FREM1: variants seen among roughly 807,000 people sequenced by gnomAD.
FREM1 encodes the protein FRAS1 related extracellular matrix 1.
Under a neutral mutation model 210.1 loss-of-function variants are expected in FREM1, and 220 were observed. The observed-to-expected ratio is 1.05, with a 90% confidence interval of 0.94 to 1.17. The LOEUF (loss-of-function observed/expected upper bound fraction) is 1.17. FREM1 is among the 50% of genes most tolerant of loss of function. The pLI, the probability that FREM1 is intolerant of heterozygous loss-of-function variation, is 0.00. For synonymous variants in FREM1, 1,189 were observed against 980.2 expected, an observed-to-expected ratio of 1.21 and a Z score of -3.98; for missense variants, 3,454 against 2,675.5, an observed-to-expected ratio of 1.29 and a Z score of -6.42.
At chr9:14,785,218 T>C (rs1487513748) in intron 23 of FREM1, among the ~76,000 whole-genome samples, 1 of 152,218 alleles carries the variant, frequency 6.6e-6, no homozygotes, top group Non-Finnish European at 1.5e-5. Flanking sequence ...ATACACAAAC[T>C]GTGTTCTGTT....
intron 1 of FREM1, among the ~76,000 whole-genome samples, chr9:14,877,451 G>GTTTTTTTTTTTTT (rs1833974966): frequency 9.0e-6 from 1 of 111,210 alleles, no homozygotes; most frequent in African/African-American, 3.6e-5. Flanking sequence ...TTTCTTTATG[G>GTTTTTTTTTTTTT]TAGACAGATC....
Position 14,842,477 on chromosome 9 carries a change from G to A in FREM1, c.1577C>T (p.Thr526Ile), listed in dbSNP as rs1429788475. Residue 526 changes from threonine (T) to isoleucine (I), a missense_variant, in exon 9 of 37, where the codon ACC (threonine) becomes ATC (isoleucine). Thr to Ile is a moderately conservative substitution (Grantham distance 89). Transcript: ENST00000380880. ...CTCCTCCAGTTCAATCACAACATTG[G>A]TTATGAGGAACGGGGGACTATCATC... is the stretch of plus-strand genomic sequence containing the variant. ...PKDDSPPFLI[T>I]NVVIELEEGQ... 1.2e-6 allele frequency: 2 copies of A among 1,614,034 alleles called. No homozygotes were observed. Among genetic ancestry groups the A allele is most frequent in the Non-Finnish European group, 1.7e-6 (2 of 1,179,890 alleles).
chr9:14,832,922 G>C (rs1053790712), intron 10 of FREM1, among the ~76,000 whole-genome samples: 2 of 152,142 alleles, frequency 1.3e-5, no homozygotes, highest in Non-Finnish European at 2.9e-5. Flanking sequence ...CTTAGGTTAG[G>C]ATGCAGGCCC....
rs1827696103 is a variant in FREM1, at chr9:14,851,296, C to T, written c.1140G>A (p.Arg380=). ...YQPPNSSHSE[R]RHDEVELEVY... ...CTCTCCTTCTTACCTCATCATGTCT[C>T]CTCTCAGAATGGCTGCTGTTTGGTG... The change falls in exon 6 of 37, where the codon AGG becomes AGA. Residue 380 remains arginine (R), a synonymous_variant. Coordinates refer to ENST00000380880, the MANE Select transcript of FREM1 (RefSeq NM_001379081.2). 1 of 1,589,326 alleles carries T rather than the reference C, an allele frequency of 6.3e-7. No individual in the cohort carries two copies. Among genetic ancestry groups the T allele is most frequent in the Non-Finnish European group, 8.6e-7 (1 of 1,167,062 alleles).
intron 24 of FREM1, among the ~76,000 whole-genome samples, chr9:14,778,989 A>AT: frequency 6.6e-6 from 1 of 152,324 alleles, no homozygotes; most frequent in Admixed American, 6.5e-5. Context: ...ACTGATATAC[A>AT]TTTTTAGGTA....
In FREM1 at chr9:14,845,862, T is replaced by C. The variant is rs149815400; in HGVS notation, c.1393+98A>G. 1.3e-4 allele frequency: 159 copies of C among 1,221,598 alleles called. No individual in the cohort carries two copies. The African/African-American group carries it at 1.5e-3, about 11-fold the overall frequency. 75.7% of individuals were successfully genotyped at this position (1,221,598 alleles called of 1,614,324 possible). A position where few individuals can be genotyped will look rare whatever the true frequency, so the allele number is the denominator to read the frequency against. On this transcript the variant is annotated intron_variant, in intron 8 of 36. Transcript: ENST00000380880. The stretch of plus-strand genomic sequence containing the variant: ...TGCATTTGACAATTTCATTGAGAAA[T>C]TGGGCCCAAGAGATGCTACATATAT...
At chr9:14,866,057 T>C (rs1315633726) in intron 2 of FREM1, among the ~76,000 whole-genome samples, 3 of 152,198 alleles carry the variant, frequency 2.0e-5, no homozygotes, top group African/African-American at 7.2e-5. Flanking sequence ...CATATTTGCC[T>C]CTGGAAATAC....
chr9:14,873,283 T>G (rs541707616), intron 1 of FREM1, among the ~76,000 whole-genome samples: 2 of 152,356 alleles, frequency 1.3e-5, no homozygotes, highest in Middle Eastern at 3.4e-3. Flanking sequence ...AATTCGGCTG[T>G]GAATCCATCA....
intron 1 of FREM1, among the ~76,000 whole-genome samples, chr9:14,897,566 A>G (rs1837959947): frequency 6.6e-6 from 1 of 151,160 alleles, no homozygotes; most frequent in South Asian, 2.1e-4. Context: ...ACCAACAAAG[A>G]GGCTTAATCG....
intron 1 of FREM1, among the ~76,000 whole-genome samples, chr9:14,899,994 A>G (rs1838485960): frequency 6.6e-6 from 1 of 152,148 alleles, no homozygotes; most frequent in Non-Finnish European, 1.5e-5. Context: ...GTGTTCCTGG[A>G]GTTGTGCAAT....
At chr9:14,886,895 CAAA>C (rs59827471) in intron 1 of FREM1, among the ~76,000 whole-genome samples, 114 of 95,490 alleles carry the variant, frequency 1.2e-3, no homozygotes, top group African/African-American at 4.0e-3. Context: ...GACCTTGTTT[CAAA>C]AAAAAAAAAA....
chr9:14,829,431 T>G (rs1823121588), intron 10 of FREM1, among the ~76,000 whole-genome samples: 2 of 152,180 alleles, frequency 1.3e-5, no homozygotes, highest in African/African-American at 4.8e-5. Context: ...GAACTGAATG[T>G]GTCTTCCAAC....
At chr9:14,823,704 T>A (rs1426144182) in intron 12 of FREM1, among the ~76,000 whole-genome samples, 1 of 152,158 alleles carries the variant, frequency 6.6e-6, no homozygotes, top group African/African-American at 2.4e-5. Flanking sequence ...ACTAATACAG[T>A]AAGATACTGA....
intron 35 of FREM1, 121 bp from the exon 36 acceptor site, chr9:14,740,355 C>T (rs1841331098): frequency 2.8e-6 from 2 of 715,316 alleles, no homozygotes; most frequent in African/African-American, 1.8e-5. Flanking sequence ...TTTAAAAAAA[C>T]TTTCTAAGAT....
At chr9:14,786,156 A>G (rs1850395064) in intron 23 of FREM1, among the ~76,000 whole-genome samples, 1 of 152,220 alleles carries the variant, frequency 6.6e-6, no homozygotes, top group Non-Finnish European at 1.5e-5. Context: ...ATATGCCCAA[A>G]TTACAAATGA....
intron 10 of FREM1, among the ~76,000 whole-genome samples, chr9:14,832,320 C>T (rs1823714122): frequency 6.6e-6 from 1 of 152,192 alleles, no homozygotes; most frequent in African/African-American, 2.4e-5. Flanking sequence ...TATATAGAAG[C>T]TTTCCAAAAT....
chr9:14,859,492 G>T lies in FREM1; in HGVS notation c.330-8C>A. ...GTATCTCTTTCAGTAAATCTGTGGA[G>T]AACACAGGGCAAAAGCAATATTAAT... is the stretch of plus-strand genomic sequence containing the variant. On this transcript the variant is annotated splice_region_variant and splice_polypyrimidine_tract_variant and intron_variant, in intron 3 of 36. Transcript: ENST00000380880. 2 of 1,606,066 alleles carry T rather than the reference G, an allele frequency of 1.2e-6. No homozygotes were observed. Among genetic ancestry groups the T allele is most frequent in the South Asian group, 2.2e-5 (2 of 89,888 alleles).
intron 1 of FREM1, 31 bp from the exon 2 acceptor site, chr9:14,869,275 C>CGA (rs1323203195): frequency 6.5e-6 from 2 of 308,950 alleles, no homozygotes; most frequent in East Asian, 5.1e-5. Flanking sequence ...TGGAGTAAAG[C>CGA]GAGAGAGAGA....
At chr9:14,755,798 C>T (rs1351686688) in intron 29 of FREM1, among the ~76,000 whole-genome samples, 5 of 152,218 alleles carry the variant, frequency 3.3e-5, no homozygotes, top group South Asian at 2.1e-4. Context: ...AGTGTTAATT[C>T]TTGTCTGTGT....
Sources: gnomAD v4.1 joint callset for allele counts (sites outside exome capture counted in the v4.1 genomes callset) on GRCh38, gnomAD v4.1.1 for gene constraint, MANE v1.5 for transcripts, NCBI Gene and HGNC (gene_info 2026-07-23, HGNC 2026-07-21) for gene names.